Variants in PDGFD observed in about 807,000 individuals in gnomAD.
PDGFD encodes the protein platelet derived growth factor D.
Under a neutral mutation model 44.7 loss-of-function variants are expected in PDGFD, and 30 were observed. The ratio of observed to expected loss-of-function variants is 0.67; its 90% CI spans 0.50 to 0.91. The LOEUF (loss-of-function observed/expected upper bound fraction) is 0.91, where lower values mean the gene tolerates loss of function less well. Among genes scored for constraint, PDGFD ranks in the 40% least tolerant of loss-of-function variants. The pLI is 0.00. For synonymous variants in PDGFD, 173 were observed against 168.4 expected, an observed-to-expected ratio of 1.03 and a Z score of -0.21; for missense variants, 445 against 457.8, an observed-to-expected ratio of 0.97 and a Z score of 0.25.
chr11:104,003,798 C>A (rs1329880976), intron 1 of PDGFD, among the ~76,000 whole-genome samples: 2 of 152,086 alleles, frequency 1.3e-5, no homozygotes, highest in African/African-American at 4.8e-5. Context: ...AATCAGTGAT[C>A]CCTCTCAAGA....
chr11:104,071,338 G>T (rs1016883494), intron 1 of PDGFD, among the ~76,000 whole-genome samples: 3 of 151,266 alleles, frequency 2.0e-5, no homozygotes, highest in African/African-American at 7.3e-5. Flanking sequence ...AAATATATGT[G>T]TATATGTATT....
chr11:103,908,740 G>A lies in PDGFD; in HGVS notation c.*954C>T, dbSNP rs558799022. On this transcript the variant is annotated 3_prime_UTR_variant, in exon 7 of 7. Coordinates refer to ENST00000393158, the MANE Select transcript of PDGFD (RefSeq NM_025208.5). ...AATATCCCACCTAATTTCCAGTTAC[G>A]TCGATGTTTCAATGTTCACTTTTTA... 26 of 151,976 alleles carry A rather than the reference G, an allele frequency of 1.7e-4. No individual in the cohort carries two copies. The highest frequency in any genetic ancestry group is 3.1e-4 in the Non-Finnish European group (21 of 67,980). 9.4% of individuals were successfully genotyped at this position (151,976 alleles called of 1,614,324 possible). A position where few individuals can be genotyped will look rare whatever the true frequency, so the allele number is the denominator to read the frequency against.
intron 5 of PDGFD, among the ~76,000 whole-genome samples, chr11:103,932,751 C>T (rs1248705192): frequency 6.6e-6 from 1 of 152,180 alleles, no homozygotes; most frequent in African/African-American, 2.4e-5. Flanking sequence ...TAATTACTAC[C>T]TGAATGAATC....
intron 3 of PDGFD, among the ~76,000 whole-genome samples, chr11:103,982,473 A>C (rs1473887100): frequency 6.6e-6 from 1 of 151,782 alleles, no homozygotes; most frequent in Non-Finnish European, 1.5e-5. Context: ...TGGATTAAAA[A>C]GACTGGAAAG....
chr11:104,044,939 G>A (rs1224899439), intron 1 of PDGFD, among the ~76,000 whole-genome samples: 1 of 152,178 alleles, frequency 6.6e-6, no homozygotes, highest in Non-Finnish European at 1.5e-5. Flanking sequence ...TCCGGAGGCT[G>A]AGGCAGGAGA....
chr11:103,993,437 C>CA (rs1255290526), intron 3 of PDGFD, among the ~76,000 whole-genome samples: 1 of 151,380 alleles, frequency 6.6e-6, no homozygotes, highest in Non-Finnish European at 1.5e-5. Context: ...GTAGGGGTTG[C>CA]AAAACAGCTG....
At chr11:104,127,701 G>GTGTGTGTGTGTGCA (rs1491215357) in intron 1 of PDGFD, among the ~76,000 whole-genome samples, 8 of 151,590 alleles carry the variant, frequency 5.3e-5, no homozygotes, top group Non-Finnish European at 1.2e-4. Flanking sequence ...GTATGAATAC[G>GTGTGTGTGTGTGCA]TGTGTGTGTG....
At chr11:103,923,870 A>G (rs1858263388) in intron 6 of PDGFD, among the ~76,000 whole-genome samples, 1 of 152,228 alleles carries the variant, frequency 6.6e-6, no homozygotes, top group Non-Finnish European at 1.5e-5. Context: ...GAGTTCTAGA[A>G]GTAAAAATAT....
At chr11:104,089,981 T>A (rs1185123810) in intron 1 of PDGFD, among the ~76,000 whole-genome samples, 1 of 152,092 alleles carries the variant, frequency 6.6e-6, no homozygotes, top group Non-Finnish European at 1.5e-5. Context: ...AACATACAAC[T>A]CTCTCCTACC....
chr11:104,149,949 T>G (rs946169935), intron 1 of PDGFD, among the ~76,000 whole-genome samples: 2 of 152,194 alleles, frequency 1.3e-5, no homozygotes, highest in Non-Finnish European at 2.9e-5. Context: ...TAATATATAC[T>G]GTGGTCATTG....
chr11:103,968,204 T>A (rs979786489), intron 3 of PDGFD, among the ~76,000 whole-genome samples: 10 of 152,176 alleles, frequency 6.6e-5, no homozygotes, highest in Non-Finnish European at 1.5e-4. Flanking sequence ...TCTTCTCGAA[T>A]TGTCAGCATT....
At chr11:103,938,060 T>C (rs903235201) in intron 5 of PDGFD, among the ~76,000 whole-genome samples, 42 of 151,744 alleles carry the variant, frequency 2.8e-4, no homozygotes, top group Non-Finnish European at 5.1e-4. Flanking sequence ...ATCCTTTGGG[T>C]ATATACCCAG....
intron 5 of PDGFD, among the ~76,000 whole-genome samples, chr11:103,939,106 C>A (rs576995283): frequency 0.019 from 2,867 of 152,150 alleles, 90 homozygotes; most frequent in African/African-American, 0.066. Context: ...TAATTGGTAG[C>A]TTGATGGGGA....
At chr11:103,987,543 C>T (rs1859387076) in intron 3 of PDGFD, among the ~76,000 whole-genome samples, 1 of 152,186 alleles carries the variant, frequency 6.6e-6, no homozygotes, top group Non-Finnish European at 1.5e-5. Context: ...TCTGAATTTG[C>T]ATCATAGTTG....
chr11:103,958,437 T>G (rs946451699), intron 3 of PDGFD, among the ~76,000 whole-genome samples: 1 of 152,206 alleles, frequency 6.6e-6, no homozygotes, highest in Non-Finnish European at 1.5e-5. Flanking sequence ...TTATTAAAGA[T>G]TGTACTTTTG....
At chr11:104,125,118 A>T (rs1762408918) in intron 1 of PDGFD, among the ~76,000 whole-genome samples, 1 of 152,174 alleles carries the variant, frequency 6.6e-6, no homozygotes, top group Non-Finnish European at 1.5e-5. Context: ...GCATTAAGTC[A>T]TAATGGAAGA....
At chr11:104,069,227 A>G (rs1020635800) in intron 1 of PDGFD, among the ~76,000 whole-genome samples, 2 of 152,194 alleles carry the variant, frequency 1.3e-5, no homozygotes, top group African/African-American at 4.8e-5. Context: ...TAGAATAATC[A>G]TCAATTTAGG....
At chr11:104,022,633 T>C (rs1390895272) in intron 1 of PDGFD, among the ~76,000 whole-genome samples, 1 of 152,044 alleles carries the variant, frequency 6.6e-6, no homozygotes, top group Admixed American at 6.6e-5. Flanking sequence ...TCTCAGTTTG[T>C]TTTTACTATG....
rs559963481 is a variant in PDGFD, at chr11:103,907,253, A to T, written c.*2441T>A. On this transcript the variant is annotated 3_prime_UTR_variant, in exon 7 of 7. Coordinates refer to ENST00000393158, the MANE Select transcript of PDGFD (RefSeq NM_025208.5). ...AGGCATATTACATTCGCTATAGAAA[A>T]TGCTATGAGAGGAAAAAGCTGCATG... The T allele has an allele frequency of 1.6e-4, 24 of 152,284 alleles. No homozygotes were observed. Among genetic ancestry groups the T allele is most frequent in the African/African-American group, 5.3e-4 (22 of 41,542 alleles). The allele number at this position is 152,284 out of a possible 1,614,324, so 9.4% of individuals were successfully genotyped here.
Sources: allele counts gnomAD v4.1 joint callset (sites outside exome capture counted in the v4.1 genomes callset), GRCh38; gene constraint gnomAD v4.1.1; transcripts MANE v1.5; gene names NCBI Gene and HGNC (gene_info 2026-07-23, HGNC 2026-07-21).